Variants in PDXDC1 observed in about 807,000 individuals in gnomAD.
PDXDC1 encodes the protein pyridoxal-dependent decarboxylase domain-containing protein 1.
A neutral mutation model predicts 100.1 loss-of-function variants in PDXDC1; 42 were observed. The observed-to-expected ratio is 0.42, with a 90% CI of 0.33 to 0.54. PDXDC1 has a LOEUF of 0.54. PDXDC1 is among the 20% of genes least tolerant of loss of function. The pLI is 0.10. For synonymous variants in PDXDC1, 260 were observed against 371.7 expected, an observed-to-expected ratio of 0.70 and a Z score of 3.46; for missense variants, 636 against 979.2, an observed-to-expected ratio of 0.65 and a Z score of 4.68.
downstream of PDXDC1, chr16:15,040,270 C>G (rs1299731209): frequency 2.3e-6 from 1 of 435,272 alleles, no homozygotes; most frequent in African/African-American, 2.0e-5. Flanking sequence ...GAGGCTCGAG[C>G]TGGACTCGGT....
intron 16 of PDXDC1, among the ~76,000 whole-genome samples, chr16:15,099,434 A>C (rs1322919452): frequency 6.6e-6 from 1 of 151,370 alleles, no homozygotes; most frequent in Non-Finnish European, 1.5e-5. Context: ...AAAAAAAAAA[A>C]AAAAAAAAAA....
chr16:15,068,745 A>G, intron 16 of PDXDC1, among the ~76,000 whole-genome samples: 1 of 152,218 alleles, frequency 6.6e-6, no homozygotes, highest in Non-Finnish European at 1.5e-5. Flanking sequence ...CTAAACAAGA[A>G]AACTCCAAAT....
Position 15,131,188 on chromosome 16 carries a change from A to G in PDXDC1, c.1400-7691A>G, listed in dbSNP as rs536688457. 4.4e-6 allele frequency: 7 copies of G among 1,589,038 alleles called. No homozygotes were observed. The East Asian group carries it at 9.0e-5, about 20-fold the overall frequency. On this transcript the variant is annotated intron_variant, in intron 16 of 16. Transcript: ENST00000535621. ...GACGGAGGCCTGGGGCTGGACCACA[A>G]CGGAGTTGGCAGAGCTGCGGTGGCC...
chr16:15,057,428 G>C (rs530876359), intron 16 of PDXDC1, among the ~76,000 whole-genome samples: 27 of 152,296 alleles, frequency 1.8e-4, no homozygotes, highest in Non-Finnish European at 3.4e-4. Context: ...AACAGATACA[G>C]TAACTTGCTC....
At chr16:14,990,334 T>G (rs1970492625) in intron 1 of PDXDC1, among the ~76,000 whole-genome samples, 1 of 152,270 alleles carries the variant, frequency 6.6e-6, no homozygotes, top group African/African-American at 2.4e-5. Context: ...CTCCTACAAT[T>G]TAATTCTTCA....
intron 16 of PDXDC1, among the ~76,000 whole-genome samples, chr16:15,095,278 C>T (rs2046314369): frequency 6.6e-6 from 1 of 152,094 alleles, no homozygotes; most frequent in African/African-American, 2.4e-5. Flanking sequence ...GGGGCTGCCC[C>T]TACTCTCAGG....
Position 15,080,746 on chromosome 16 carries a change from C to T in PDXDC1, c.1399+50690C>T, listed in dbSNP as rs150888796. ...CAGCAATTTTGTAACATTTTAATCA[C>T]GCTAAAAAGAAATCCTACATCCATT... On this transcript the variant is annotated intron_variant, in intron 16 of 16. Transcript: ENST00000535621. Among the ~76,000 whole-genome samples the T allele has an allele frequency of 4.3e-3, 648 of 152,194 alleles. 5 individuals carry two copies. The highest frequency in any genetic ancestry group is 0.017 in the Middle Eastern group (5 of 294).
intron 16 of PDXDC1, among the ~76,000 whole-genome samples, chr16:15,129,078 T>G (rs1223845352): frequency 6.6e-6 from 1 of 151,718 alleles, no homozygotes; most frequent in Non-Finnish European, 1.5e-5. Context: ...GTGCTCGGAT[T>G]ACAGGTGTGA....
chr16:15,043,547 G>A (rs1361624172), intron 16 of PDXDC1, among the ~76,000 whole-genome samples: 1 of 152,206 alleles, frequency 6.6e-6, no homozygotes, highest in African/African-American at 2.4e-5. Context: ...CAGTCATGAT[G>A]CCAAATTGCT....
Position 15,038,220 on chromosome 16 carries a change from C to A in PDXDC1, c.*1945C>A. ...GCGAAGTGGAAAGATTCTGAAAACA[C>A]AAGATGGTGGGCATTAGAGAAGCCA... On this transcript the variant is annotated 3_prime_UTR_variant, in exon 23 of 23. Coordinates refer to ENST00000396410, the MANE Select transcript of PDXDC1 (RefSeq NM_015027.4). 6.2e-7 allele frequency: 1 copy of A among 1,610,096 alleles called. No individual in the cohort carries two copies. Among genetic ancestry groups the A allele is most frequent in the Non-Finnish European group, 8.5e-7 (1 of 1,177,702 alleles).
At position 15,065,563 on chromosome 16, in the gene PDXDC1, G is replaced by C. The variant is rs1386546117; in HGVS notation, c.1399+35507G>C. Among the ~76,000 whole-genome samples, 6 of 152,156 alleles carry C rather than the reference G, an allele frequency of 3.9e-5. No individual in the cohort carries two copies. The East Asian group carries it at 1.2e-3, about 29-fold the overall frequency. On this transcript the variant is annotated intron_variant, in intron 16 of 16. Transcript: ENST00000535621. The stretch of plus-strand genomic sequence containing the variant: ...CGTTCTATGGGTCTTCTATTTGCAA[G>C]TTTGCTAAGGAGAAAGAAAACGTGG...
At chr16:15,084,501 G>A (rs868040883) in intron 16 of PDXDC1, 1 of 603,590 alleles carries the variant, frequency 1.7e-6, no homozygotes, top group Admixed American at 3.6e-5. Context: ...TTTGTAGAAT[G>A]TAATGTTTCC....
At chr16:15,097,355 C>T (rs548085820) in intron 16 of PDXDC1, among the ~76,000 whole-genome samples, 5 of 150,402 alleles carry the variant, frequency 3.3e-5, no homozygotes, top group African/African-American at 7.3e-5. Flanking sequence ...CCAGACACAG[C>T]GGCTCCTGCC....
At chr16:15,009,044 C>G (rs1467345998) in intron 7 of PDXDC1, among the ~76,000 whole-genome samples, 197 bp downstream of exon 7, 1 of 152,390 alleles carries the variant, frequency 6.6e-6, no homozygotes, top group Non-Finnish European at 1.5e-5. Context: ...TCAGGAGCAC[C>G]TGGCTTTTAA....
Position 15,036,229 on chromosome 16 carries a change from CAGA to C in PDXDC1, c.2325_2327del (p.Glu775del), listed in dbSNP as rs1411321885. 4.3e-6 allele frequency: 7 copies of C among 1,613,946 alleles called. No individual in the cohort carries two copies. The highest frequency in any genetic ancestry group is 1.6e-4 in the Middle Eastern group (1 of 6,084). ...GCCTTCCAGAAAGGGGTCCCACACC[CAGA>C]AGATGACCACTCACAGGTAGAAGGA... On this transcript the variant is annotated inframe_deletion, in exon 23 of 23. Coordinates refer to ENST00000396410, the MANE Select transcript of PDXDC1 (RefSeq NM_015027.4).
intron 16 of PDXDC1, 61 bp from the exon 17 acceptor site, chr16:15,031,674 C>A: frequency 1.4e-6 from 2 of 1,415,444 alleles, no homozygotes; most frequent in Non-Finnish European, 2.0e-6. Context: ...GAAGAGGGAG[C>A]CCTGCCCTCT....
chr16:15,033,259 T>C lies in PDXDC1; in HGVS notation c.1691-19T>C, dbSNP rs2043176025. 6.2e-7 allele frequency: 1 copy of C among 1,613,924 alleles called. No individual in the cohort carries two copies. The stretch of plus-strand genomic sequence containing the variant: ...GACAGAGGACTGAGAAACTCAAGTT[T>C]GTCTCGTTACCTTTGCAGGCCCTGA... On this transcript the variant is annotated intron_variant, in intron 18 of 22. Transcript: ENST00000396410.
intron 16 of PDXDC1, chr16:15,128,150 G>C: frequency 6.2e-7 from 1 of 1,610,004 alleles, no homozygotes; most frequent in East Asian, 2.2e-5. Flanking sequence ...AGAGGCGCGG[G>C]AGGGAGGTCA....
chr16:15,111,941 C>T (rs2047084864), intron 16 of PDXDC1, among the ~76,000 whole-genome samples: 1 of 148,134 alleles, frequency 6.8e-6, no homozygotes, highest in African/African-American at 2.4e-5. Flanking sequence ...TGTAACATTT[C>T]ACCCCCTGCT....
Sources: gnomAD v4.1 joint callset for allele counts (sites outside exome capture counted in the v4.1 genomes callset) on GRCh38, gnomAD v4.1.1 for gene constraint, MANE v1.5 for transcripts, NCBI Gene and HGNC (gene_info 2026-07-23, HGNC 2026-07-21) for gene names.